Variants in CEP170B observed in about 807,000 individuals in gnomAD.
CEP170B encodes the protein centrosomal protein of 170 kDa protein B.
A neutral mutation model predicts 120.6 loss-of-function variants in CEP170B; 55 were observed. The ratio of observed to expected loss-of-function variants is 0.46; its 90% CI spans 0.37 to 0.57. The LOEUF (loss-of-function observed/expected upper bound fraction) is 0.57, where lower values mean the gene tolerates loss of function less well. Ranked by LOEUF, CEP170B falls within the 20% of genes least tolerant of loss-of-function variation. CEP170B has a pLI of 0.00. For synonymous variants in CEP170B, 1,033 were observed against 954.5 expected (o/e 1.08, Z -1.52); for missense variants, 2,212 against 2,253.3 (o/e 0.98, Z 0.37).
Position 104,883,243 on chromosome 14 carries a change from G to A in CEP170B, c.786G>A (p.Val262=). ...AEAGGGGAAP[V]VQSHASFTIE... ...CAGGTGGGGGCGGAGCGGCCCCTGT[G>A]GTGCAGAGCCACGCCTCCTTCACCA... Residue 262 remains valine (V), a synonymous_variant, in exon 8 of 19, where the codon GTG becomes GTA. Coordinates refer to ENST00000414716, the MANE Select transcript of CEP170B (RefSeq NM_001112726.3). The A allele has an allele frequency of 6.2e-7, 1 of 1,611,324 alleles. No homozygotes were observed. Among genetic ancestry groups the A allele is most frequent in the Non-Finnish European group, 8.5e-7 (1 of 1,179,554 alleles).
intron 2 of CEP170B, among the ~76,000 whole-genome samples, chr14:104,869,683 A>G (rs1266858495): frequency 1.3e-5 from 2 of 152,070 alleles, no homozygotes; most frequent in Non-Finnish European, 2.9e-5. Context: ...TGGGAATGGG[A>G]TCAGGGACCT....
chr14:104,865,031 G>A (rs1470077117), upstream of CEP170B, among the ~76,000 whole-genome samples: 1 of 151,526 alleles, frequency 6.6e-6, no homozygotes, highest in East Asian at 1.9e-4. The surrounding 1 kb of genome is among the most constrained non-coding windows in gnomAD (Gnocchi z 6.7). Flanking sequence ...GGAGGCCAGC[G>A]GGGCCTGGGC....
rs77234894 is a variant in CEP170B at position 104,869,520 on chromosome 14, C to G, written c.105+965C>G. Among the ~76,000 whole-genome samples the G allele has an allele frequency of 3.9e-4, 59 of 152,308 alleles. No individual in the cohort carries two copies. The East Asian group carries it at 0.011, about 28-fold the overall frequency. On this transcript the variant is annotated intron_variant, in intron 2 of 18. Coordinates refer to ENST00000414716, the MANE Select transcript of CEP170B (RefSeq NM_001112726.3). ...GCAGACAGTGTTTGTCTGCCTCTAC[C>G]CAGGGCAGCCCCACCCGATATTGCT...
rs1363326335 is a variant in CEP170B, at chr14:104,887,568, C to T, written c.3329C>T (p.Thr1110Ile). 6.3e-7 allele frequency: 1 copy of T among 1,598,728 alleles called. No individual in the cohort carries two copies. The highest frequency in any genetic ancestry group is 8.5e-7 in the Non-Finnish European group (1 of 1,174,224). Residue 1110 changes from threonine to isoleucine, a missense_variant, in exon 12 of 19, where the codon ACC (threonine) becomes ATC (isoleucine). Transcript: ENST00000414716. ...TCCCAGAAGGGGCCGCAGGCCTTGA[C>T]CCGCTCCAACAGCCTGTCCACCCCT... ...ASSQKGPQALTRSNSLSTPRP... is the reference protein window; with the variant it reads ...ASSQKGPQALIRSNSLSTPRP...
intron 13 of CEP170B, among the ~76,000 whole-genome samples, chr14:104,890,235 TAGG>T (rs1332014238): frequency 4.3e-5 from 4 of 92,592 alleles, no homozygotes; most frequent in South Asian, 3.9e-4. Flanking sequence ...GATGGATGAA[TAGG>T]AGGGTGGGTG....
chr14:104,871,460 C>T (rs1441682350), intron 2 of CEP170B, among the ~76,000 whole-genome samples: 3 of 151,832 alleles, frequency 2.0e-5, no homozygotes, highest in East Asian at 1.9e-4. Flanking sequence ...CCTGGCTCTC[C>T]GGACCCGGCT....
chr14:104,890,419 T>TG lies in CEP170B; in HGVS notation c.3878+662dup, dbSNP rs1384182962. On this transcript the variant is annotated intron_variant, in intron 13 of 18. Transcript: ENST00000414716. ...ATGGATGGATGGATGGATGGATGGA[T>TG]GAATGGATGAGTGAGTGGGTGGATG... Among the ~76,000 whole-genome samples, 141 of 133,698 alleles carry TG rather than the reference T, an allele frequency of 1.1e-3. 1 individual carries two copies. Among genetic ancestry groups the TG allele is most frequent in the African/African-American group, 3.7e-3 (127 of 34,064 alleles). The allele number at this position is 133,698 out of a possible 152,430, so 87.7% of individuals were successfully genotyped here.
chr14:104,875,368 C>T (rs1009485933), intron 2 of CEP170B, among the ~76,000 whole-genome samples: 1 of 152,064 alleles, frequency 6.6e-6, no homozygotes, highest in Non-Finnish European at 1.5e-5. Flanking sequence ...GGCCAGGACT[C>T]GGTGACTTCC....
rs1170730614 is a variant in CEP170B, at chr14:104,893,795, C to G, written c.4217C>G (p.Ser1406Cys). The G allele has an allele frequency of 1.1e-5, 18 of 1,612,322 alleles. No homozygotes were observed. The highest frequency in any genetic ancestry group is 1.5e-5 in the Non-Finnish European group (18 of 1,179,616). ...IFDNLMLNPVSQLSQAIRENT... is the reference protein window; with the variant it reads ...IFDNLMLNPVCQLSQAIRENT... ...GATAACCTGATGCTGAACCCGGTGTCCCAGCTGTCGCAGGCCATCCGTGAG... is the reference window on the plus strand; with the variant it reads ...GATAACCTGATGCTGAACCCGGTGTGCCAGCTGTCGCAGGCCATCCGTGAG... The change falls in exon 16 of 19, where the codon TCC becomes TGC. Residue 1406 changes from serine (S) to cysteine (C), a missense_variant. Physicochemically the swap from Ser to Cys is moderately radical, Grantham distance 112. This residue lies in a region of CEP170B where 2,166 missense variants were observed against 2,166.7 expected (regional missense o/e 1.00). Coordinates refer to ENST00000414716, the MANE Select transcript of CEP170B (RefSeq NM_001112726.3).
chr14:104,876,420 G>T, intron 3 of CEP170B, 75 bp downstream of exon 3: 1 of 1,386,868 alleles, frequency 7.2e-7, no homozygotes, highest in Non-Finnish European at 1.0e-6. Context: ...CTCAGTTCTG[G>T]CTCCTCCCCC....
rs548294035 is a variant in CEP170B at position 104,891,139 on chromosome 14, C to A, written c.3878+1381C>A. 6.6e-6 allele frequency among the ~76,000 whole-genome samples: 1 copy of A among 151,958 alleles called. No individual in the cohort carries two copies. The highest frequency in any genetic ancestry group is 1.9e-4 in the East Asian group (1 of 5,156). On this transcript the variant is annotated intron_variant, in intron 13 of 18. Coordinates refer to ENST00000414716, the MANE Select transcript of CEP170B (RefSeq NM_001112726.3). The surrounding 1 kb of genome is among the most constrained non-coding windows in gnomAD (Gnocchi z 4.3). ...ATGCAGATCTTCCCAGGAGGTGAGA[C>A]CGCCAGTACAAGGAGGGCCTCCTCA...
At chr14:104,889,526 C>T (rs745667621) in intron 12 of CEP170B, 94 bp from the exon 13 acceptor site, 15 of 1,588,096 alleles carry the variant, frequency 9.4e-6, no homozygotes, top group South Asian at 5.6e-5. Context: ...CACGAGGCGC[C>T]GGCAGCAGGG....
At chr14:104,892,867 C>T (rs1896910728) in intron 13 of CEP170B, 109 bp from the exon 14 acceptor site, 1 of 1,273,632 alleles carries the variant, frequency 7.9e-7, no homozygotes, top group Non-Finnish European at 1.1e-6. Flanking sequence ...CCAGGCCCCA[C>T]CTCTGGCCAG....
chr14:104,886,738 G>A lies in CEP170B; in HGVS notation c.2499G>A (p.Arg833=). The A allele has an allele frequency of 6.2e-7, 1 of 1,608,976 alleles. No individual in the cohort carries two copies. Among genetic ancestry groups the A allele is most frequent in the African/African-American group, 1.3e-5 (1 of 74,988 alleles). ...CAGCCCAGCCCAGCCCCCCAGCACG[G>A]GATGGCGTCTATGTCAGTGCCAATG... ...GQTAQPSPPA[R]DGVYVSANGR... is the part of the protein sequence containing the mutation. Residue 833 remains arginine, a synonymous_variant, in exon 12 of 19, where the codon CGG becomes CGA. Coordinates refer to ENST00000414716, the MANE Select transcript of CEP170B (RefSeq NM_001112726.3).
At position 104,887,912 on chromosome 14, in the gene CEP170B, G is replaced by GCCA. The variant is rs1456283587; in HGVS notation, c.3681_3683dup (p.Thr1228dup). 2 of 1,552,016 alleles carry GCCA rather than the reference G, an allele frequency of 1.3e-6. No homozygotes were observed. Among genetic ancestry groups the GCCA allele is most frequent in the Middle Eastern group, 1.7e-4 (1 of 5,968 alleles). On this transcript the variant is annotated inframe_insertion, in exon 12 of 19. Coordinates refer to ENST00000414716, the MANE Select transcript of CEP170B (RefSeq NM_001112726.3). ...TGTCTCCAGGAAGGCTGCCAACACA[G>GCCA]CCACCACCACGGGTCCCCGCCAGCC...
At chr14:104,872,035 G>A (rs374103986) in intron 2 of CEP170B, among the ~76,000 whole-genome samples, 3 of 152,254 alleles carry the variant, frequency 2.0e-5, no homozygotes, top group African/African-American at 7.2e-5. Flanking sequence ...GTTAAATGAC[G>A]CAGGAACGTG....
In CEP170B at chr14:104,870,940, G is replaced by GC. The variant is rs1450279945; in HGVS notation, c.105+2390dup. Among the ~76,000 whole-genome samples the GC allele has an allele frequency of 1.3e-5, 2 of 151,952 alleles. No homozygotes were observed. Among genetic ancestry groups the GC allele is most frequent in the Non-Finnish European group, 1.5e-5 (1 of 67,956 alleles). ...AGCGGCCTCCTACCTGCCCACCGCT[G>GC]CCCCCTGCCGGCCTCTGTCACCCCT... is the stretch of plus-strand genomic sequence containing the variant. On this transcript the variant is annotated intron_variant, in intron 2 of 18. Transcript: ENST00000414716. This position sits in a 1 kb window ranked among gnomAD's most constrained non-coding sequence, Gnocchi z 4.1.
chr14:104,882,926 G>A lies in CEP170B; in HGVS notation c.577+94G>A, dbSNP rs1310376683. 2.7e-6 allele frequency: 4 copies of A among 1,460,166 alleles called. No individual in the cohort carries two copies. The South Asian group carries it at 5.3e-5, about 19-fold the overall frequency. The allele number at this position is 1,460,166 out of a possible 1,614,324, so 90.5% of individuals were successfully genotyped here. A position where few individuals can be genotyped will look rare whatever the true frequency, so the allele number is the denominator to read the frequency against. ...TGGGCTTGAGGAGCCCACTCCGGGG[G>A]ACATGGGGCCTGTCTCCCCCTCTTG... On this transcript the variant is annotated intron_variant, in intron 7 of 18. Transcript: ENST00000414716.
Position 104,884,102 on chromosome 14 carries a change from C to A in CEP170B, c.1323C>A (p.Ala441=). 1 of 1,579,062 alleles carries A rather than the reference C, an allele frequency of 6.3e-7. No homozygotes were observed. The highest frequency in any genetic ancestry group is 8.6e-7 in the Non-Finnish European group (1 of 1,163,016). ...KADKRRGPTP[A]DRDRPSVPAP... ...ACAAGCGCCGTGGCCCAACGCCGGC[C>A]GATAGGGACCGCCCCAGTGTCCCAG... Residue 441 remains alanine (A), a synonymous_variant, in exon 9 of 19, where the codon GCC becomes GCA. Transcript: ENST00000414716.
Sources: allele counts gnomAD v4.1 joint callset (sites outside exome capture counted in the v4.1 genomes callset), GRCh38; gene constraint gnomAD v4.1.1; regional missense constraint gnomAD v4.1.1; non-coding constraint Gnocchi (gnomAD v3.1); transcripts MANE v1.5; gene names NCBI Gene and HGNC (gene_info 2026-07-23, HGNC 2026-07-21).